Variants in NTM observed in about 807,000 individuals in gnomAD.
The protein encoded by NTM is neurotrimin.
Under a neutral mutation model 42.1 loss-of-function variants are expected in NTM, and 13 were observed. That is an observed-to-expected ratio of 0.31 (90% confidence interval 0.20 to 0.49). NTM has a LOEUF of 0.49. Ranked by LOEUF, NTM falls within the 20% of genes least tolerant of loss-of-function variation. The pLI is 0.99. For synonymous variants in NTM, 187 were observed against 179.2 expected (o/e 1.04, Z -0.35); for missense variants, 373 against 452.8 (o/e 0.82, Z 1.60).
At chr11:131,561,175 G>T (rs1264947140) in intron 1 of NTM, among the ~76,000 whole-genome samples, 1 of 152,176 alleles carries the variant, frequency 6.6e-6, no homozygotes, top group African/African-American at 2.4e-5. Flanking sequence ...CATTCACTGG[G>T]CCCCAACATG....
intron 1 of NTM, among the ~76,000 whole-genome samples, chr11:131,422,994 A>G (rs1167661009): frequency 6.6e-6 from 1 of 152,240 alleles, no homozygotes; most frequent in Non-Finnish European, 1.5e-5. Flanking sequence ...ATTATGTGCC[A>G]GGAATTGTAT....
At chr11:131,978,171 T>C (rs2064699358) in intron 2 of NTM, among the ~76,000 whole-genome samples, 1 of 152,168 alleles carries the variant, frequency 6.6e-6, no homozygotes, top group Admixed American at 6.5e-5. Context: ...ACTAAAGGTA[T>C]ATTTCATACC....
intron 2 of NTM, among the ~76,000 whole-genome samples, chr11:131,974,431 A>G (rs942040360): frequency 1.3e-5 from 2 of 152,198 alleles, no homozygotes; most frequent in African/African-American, 4.8e-5. Flanking sequence ...CCTATAGACA[A>G]TTTGAACAGT....
chr11:132,214,566 C>T (rs1022716236), intron 4 of NTM, among the ~76,000 whole-genome samples: 4 of 152,142 alleles, frequency 2.6e-5, no homozygotes, highest in African/African-American at 9.7e-5. Flanking sequence ...TGAAATGTTT[C>T]TGCTTTAATT....
intron 1 of NTM, among the ~76,000 whole-genome samples, chr11:131,701,131 A>C (rs2695834): frequency 0.2 from 30,600 of 152,184 alleles, 3,358 homozygotes; most frequent in African/African-American, 0.27. Context: ...AAAAGAACAA[A>C]AAGCAACAAG....
intron 1 of NTM, chr11:131,660,708 A>C (rs545984315): frequency 2.4e-6 from 1 of 418,930 alleles, no homozygotes; most frequent in Non-Finnish European, 4.4e-6. Context: ...GGTGGTGAAG[A>C]GGGACGGAGG....
chr11:131,638,563 CAAAAAAA>C (rs58374119), intron 1 of NTM, among the ~76,000 whole-genome samples: 1 of 53,330 alleles, frequency 1.9e-5, no homozygotes, highest in African/African-American at 8.3e-5. Context: ...GAGACTCCTT[CAAAAAAA>C]AAAAAAAAAA....
chr11:131,447,905 T>A (rs2136021524), intron 1 of NTM, among the ~76,000 whole-genome samples: 1 of 152,314 alleles, frequency 6.6e-6, no homozygotes, highest in African/African-American at 2.4e-5. Flanking sequence ...TAGTTCTGCA[T>A]CTCTGCTCCA....
chr11:131,428,695 G>C (rs1024109496), intron 1 of NTM, among the ~76,000 whole-genome samples: 3 of 152,004 alleles, frequency 2.0e-5, no homozygotes, highest in African/African-American at 7.3e-5. Context: ...CTGACACATA[G>C]TAGAGCCTCA....
At chr11:131,845,499 A>G (rs2044784219) in intron 1 of NTM, among the ~76,000 whole-genome samples, 2 of 152,116 alleles carry the variant, frequency 1.3e-5, no homozygotes, top group Non-Finnish European at 2.9e-5. Context: ...GCCCTCCCCC[A>G]GCCCTACTAA....
chr11:132,299,558 C>T (rs1486474309), intron 4 of NTM, among the ~76,000 whole-genome samples: 3 of 152,108 alleles, frequency 2.0e-5, no homozygotes, highest in Non-Finnish European at 4.4e-5. Flanking sequence ...GAGGCAATGT[C>T]GTGGGGTTGT....
At chr11:132,059,076 A>G (rs771038572) in intron 2 of NTM, among the ~76,000 whole-genome samples, 28 of 152,060 alleles carry the variant, frequency 1.8e-4, no homozygotes, top group Non-Finnish European at 3.1e-4. Flanking sequence ...CAGAAAAGAA[A>G]CCCCACTCTG....
At chr11:131,495,125 A>T (rs318963) in intron 1 of NTM, among the ~76,000 whole-genome samples, 2 of 152,110 alleles carry the variant, frequency 1.3e-5, no homozygotes, top group Middle Eastern at 3.4e-3. Flanking sequence ...TGACATGGGC[A>T]GACTCTGAGC....
intron 1 of NTM, among the ~76,000 whole-genome samples, chr11:131,568,735 C>A (rs2057144285): frequency 6.6e-6 from 1 of 152,126 alleles, no homozygotes. Flanking sequence ...TCCACCACGG[C>A]CAGTTGAGTA....
At chr11:132,313,192 G>A (rs577012357) in intron 6 of NTM, among the ~76,000 whole-genome samples, 52 of 152,122 alleles carry the variant, frequency 3.4e-4, no homozygotes, top group African/African-American at 1.2e-3. Context: ...GTGACCCAGG[G>A]ATGGGCAAGA....
At chr11:131,756,887 A>G (rs2135756744) in intron 1 of NTM, among the ~76,000 whole-genome samples, 1 of 152,312 alleles carries the variant, frequency 6.6e-6, no homozygotes, top group African/African-American at 2.4e-5. Flanking sequence ...TTTGTCTGCT[A>G]TGCAGTTGAC....
intron 1 of NTM, among the ~76,000 whole-genome samples, chr11:131,578,186 A>G (rs1053738804): frequency 6.6e-6 from 1 of 152,242 alleles, no homozygotes; most frequent in African/African-American, 2.4e-5. Flanking sequence ...CAGGTGATCG[A>G]ATCCAGAAAG....
At chr11:132,198,001 T>C (rs189697570) in intron 3 of NTM, among the ~76,000 whole-genome samples, 1 of 152,258 alleles carries the variant, frequency 6.6e-6, no homozygotes, top group African/African-American at 2.4e-5. Context: ...TATATTCTTT[T>C]GGGTATATAC....
intron 3 of NTM, among the ~76,000 whole-genome samples, chr11:132,208,306 C>A (rs1162463194): frequency 6.6e-6 from 1 of 152,218 alleles, no homozygotes; most frequent in Middle Eastern, 3.2e-3. Flanking sequence ...ACTCCCTTAG[C>A]ATCTTAGGCA....
Sources: gnomAD v4.1 joint callset for allele counts (sites outside exome capture counted in the v4.1 genomes callset) on GRCh38, gnomAD v4.1.1 for gene constraint, MANE v1.5 for transcripts, NCBI Gene and HGNC (gene_info 2026-07-23, HGNC 2026-07-21) for gene names.